Variants in ANKS1B observed in about 807,000 individuals in gnomAD.
The protein encoded by ANKS1B is ankyrin repeat and sterile alpha motif domain containing 1B, also known as ankyrin repeat and sterile alpha motif domain-containing protein 1B.
A neutral mutation model predicts 148.3 loss-of-function variants in ANKS1B; 36 were observed. The observed-to-expected ratio is 0.24, with a 90% CI of 0.19 to 0.32. The LOEUF (loss-of-function observed/expected upper bound fraction) is 0.32. Among genes scored for constraint, ANKS1B ranks in the 10% least tolerant of loss-of-function variants. The pLI is 1.00. For synonymous variants in ANKS1B, 542 were observed against 560.8 expected (o/e 0.97, Z 0.47); for missense variants, 1,157 against 1,542.6 (o/e 0.75, Z 4.19).
At chr12:99,916,508 A>G (rs528447842) in intron 1 of ANKS1B, among the ~76,000 whole-genome samples, 7 of 152,200 alleles carry the variant, frequency 4.6e-5, no homozygotes, top group Admixed American at 1.3e-4. Context: ...CTGGTCCCTG[A>G]GTACATAATT....
intron 14 of ANKS1B, among the ~76,000 whole-genome samples, chr12:99,237,369 A>G (rs1362146689): frequency 6.6e-6 from 1 of 152,106 alleles, no homozygotes; most frequent in African/African-American, 2.4e-5. Context: ...GGGGCTCCAC[A>G]CACATTTGGT....
At chr12:99,687,722 T>C (rs751201215) in intron 8 of ANKS1B, among the ~76,000 whole-genome samples, 1 of 152,236 alleles carries the variant, frequency 6.6e-6, no homozygotes, top group Non-Finnish European at 1.5e-5. Flanking sequence ...TATCCCTTTA[T>C]GTGCTTGAGC....
chr12:99,904,382 G>A (rs2093706856), intron 1 of ANKS1B, among the ~76,000 whole-genome samples: 1 of 151,750 alleles, frequency 6.6e-6, no homozygotes, highest in South Asian at 2.1e-4. Flanking sequence ...AGTAGAAGAG[G>A]GGTTTCACCA....
intron 12 of ANKS1B, among the ~76,000 whole-genome samples, chr12:99,398,126 G>A (rs941136542): frequency 6.6e-6 from 1 of 152,112 alleles, no homozygotes; most frequent in African/African-American, 2.4e-5. Context: ...AACATTTTAA[G>A]CATGGTAATG....
intron 9 of ANKS1B, among the ~76,000 whole-genome samples, chr12:99,636,396 T>C (rs1339153609): frequency 1.3e-5 from 2 of 152,200 alleles, no homozygotes; most frequent in Non-Finnish European, 2.9e-5. Context: ...TTAACATATA[T>C]TGTTGATTTA....
At chr12:99,870,029 C>A (rs1431707240) in intron 1 of ANKS1B, among the ~76,000 whole-genome samples, 1 of 152,072 alleles carries the variant, frequency 6.6e-6, no homozygotes, top group African/African-American at 2.4e-5. Flanking sequence ...AATTAGGGTA[C>A]AACTGATCCT....
At chr12:99,613,195 AAT>A (rs1206527456) in intron 9 of ANKS1B, among the ~76,000 whole-genome samples, 1 of 152,184 alleles carries the variant, frequency 6.6e-6, no homozygotes, top group African/African-American at 2.4e-5. Context: ...AAGTCAAAAA[AAT>A]AACAGACGCT....
In ANKS1B at chr12:99,084,996, A is replaced by G. The variant is rs1374796673; in HGVS notation, c.2554T>C (p.Leu852=). 1.9e-6 allele frequency: 3 copies of G among 1,609,828 alleles called. No individual in the cohort carries two copies. The African/African-American group carries it at 4.0e-5, about 21-fold the overall frequency. Reference sequence around the variant, plus strand: ...GAATTAAGGATTCCAATTTCCAACAAATCCTGATCTTCCATAACATTGCTT... The same window carrying G: ...GAATTAAGGATTCCAATTTCCAACAGATCCTGATCTTCCATAACATTGCTT... ...MGSNVMEDQD[L]LEIGILNSGH... is the part of the protein sequence containing the mutation. The change falls in exon 16 of 27, where the codon TTG becomes CTG. Residue 852 remains leucine (L), a synonymous_variant. Transcript: ENST00000683438.
chr12:98,760,123 C>A (rs754801593), intron 25 of ANKS1B, among the ~76,000 whole-genome samples: 2 of 151,996 alleles, frequency 1.3e-5, no homozygotes, highest in African/African-American at 4.8e-5. Flanking sequence ...GTTATCACTG[C>A]GTATTGAGAC....
chr12:99,618,028 A>G (rs2097992835), intron 9 of ANKS1B, among the ~76,000 whole-genome samples: 1 of 152,100 alleles, frequency 6.6e-6, no homozygotes, highest in Non-Finnish European at 1.5e-5. Flanking sequence ...CACCTCTTTG[A>G]CCTCAATCCC....
intron 10 of ANKS1B, among the ~76,000 whole-genome samples, chr12:99,449,412 A>G (rs779179684): frequency 3.3e-5 from 5 of 152,132 alleles, no homozygotes; most frequent in Admixed American, 1.3e-4. Context: ...AAAAGCATCG[A>G]AACTTATATC....
At chr12:99,858,645 G>C (rs1434838433) in intron 1 of ANKS1B, among the ~76,000 whole-genome samples, 1 of 152,180 alleles carries the variant, frequency 6.6e-6, no homozygotes, top group Non-Finnish European at 1.5e-5. Flanking sequence ...CAGTCAACAA[G>C]TGGATAAAGA....
chr12:98,989,089 T>C (rs1188863837), intron 17 of ANKS1B, among the ~76,000 whole-genome samples: 1 of 152,206 alleles, frequency 6.6e-6, no homozygotes, highest in East Asian at 1.9e-4. Flanking sequence ...TTTTTTCCTT[T>C]GATTTGCAGC....
intron 10 of ANKS1B, among the ~76,000 whole-genome samples, chr12:99,489,396 T>C (rs1417833322): frequency 3.3e-5 from 5 of 152,236 alleles, no homozygotes; most frequent in Non-Finnish European, 5.9e-5. Flanking sequence ...TTATTCTTTT[T>C]ACTTTCTATA....
chr12:99,701,692 C>T (rs964784963), intron 8 of ANKS1B, among the ~76,000 whole-genome samples: 1 of 152,042 alleles, frequency 6.6e-6, no homozygotes, highest in African/African-American at 2.4e-5. Context: ...GCCCCCAACA[C>T]TACCCTTTCC....
rs536114917 is a variant in ANKS1B, at chr12:98,950,216, G to C, written c.2778+102941C>G. Among the ~76,000 whole-genome samples the C allele has an allele frequency of 1.3e-3, 195 of 152,346 alleles. 1 individual carries two copies. The highest frequency in any genetic ancestry group is 4.6e-3 in the African/African-American group (190 of 41,578). On this transcript the variant is annotated intron_variant, in intron 17 of 26. Coordinates refer to ENST00000683438, the MANE Select transcript of ANKS1B (RefSeq NM_001352186.2). ...TACAATCATAAGAAACAGCAAAGTG[G>C]TTGAGTATAGTGGCTCATGCCTGTA... is the stretch of plus-strand genomic sequence containing the variant.
At chr12:99,223,852 G>A (rs2085481585) in intron 14 of ANKS1B, among the ~76,000 whole-genome samples, 1 of 152,198 alleles carries the variant, frequency 6.6e-6, no homozygotes, top group South Asian at 2.1e-4. Context: ...CAAACTAGCT[G>A]TGAAGCGTTT....
At chr12:99,833,563 A>G (rs2084357021) in intron 1 of ANKS1B, among the ~76,000 whole-genome samples, 1 of 152,234 alleles carries the variant, frequency 6.6e-6, no homozygotes, top group African/African-American at 2.4e-5. Flanking sequence ...CAATGATGAG[A>G]TATCTCCACT....
At chr12:99,469,045 G>A (rs2096189030) in intron 10 of ANKS1B, among the ~76,000 whole-genome samples, 1 of 152,048 alleles carries the variant, frequency 6.6e-6, no homozygotes, top group African/African-American at 2.4e-5. Context: ...CAACCCAAAT[G>A]TCCAACAATG....
Sources: gnomAD v4.1 joint callset for allele counts (sites outside exome capture counted in the v4.1 genomes callset) on GRCh38, gnomAD v4.1.1 for gene constraint, MANE v1.5 for transcripts, NCBI Gene and HGNC (gene_info 2026-07-23, HGNC 2026-07-21) for gene names.